The following TPP2 variants were observed in gnomAD, a reference collection of about 807,000 sequenced individuals.
TPP2 encodes the protein tripeptidyl peptidase 2.
In TPP2, 34 loss-of-function variants were observed where a neutral mutation model predicts 155.9. That is an observed-to-expected ratio of 0.22 (90% CI 0.17 to 0.29). The LOEUF is 0.29. Among genes scored for constraint, TPP2 ranks in the 10% least tolerant of loss-of-function variants. The pLI is 1.00. For missense variants in TPP2, 1,028 were observed against 1,522.3 expected, an observed-to-expected ratio of 0.68 and a Z score of 5.40; for synonymous variants, 510 against 529.4, an observed-to-expected ratio of 0.96 and a Z score of 0.50.
rs1246041563 is a variant in TPP2 at position 102,633,951 on chromosome 13, G to A, written c.1246G>A (p.Ala416Thr). The A allele has an allele frequency of 6.2e-7, 1 of 1,613,988 alleles. No homozygotes were observed. Among genetic ancestry groups the A allele is most frequent in the South Asian group, 1.1e-5 (1 of 91,084 alleles). The change falls in exon 11 of 30, where the codon GCT becomes ACT. Residue 416 changes from alanine (A) to threonine (T), a missense_variant and splice_region_variant. Around this residue, in one of 7 missense-constraint regions of TPP2, gnomAD observed 63 missense variants for 165.7 expected, o/e 0.38. Coordinates refer to ENST00000376052, the MANE Select transcript of TPP2 (RefSeq NM_001330588.2). ...QYTWSSRGPS[A>T]DGALGVSISA... ...AAACTTCAATGGCTTTCCATTTAGT[G>A]CTGACGGGGCCCTTGGTGTGAGTAT...
At chr13:102,659,527 C>G (rs1884070232) in intron 25 of TPP2, among the ~76,000 whole-genome samples, 1 of 152,126 alleles carries the variant, frequency 6.6e-6, no homozygotes, top group South Asian at 2.1e-4. Context: ...GACTTCTGAG[C>G]AGAAACAGTA....
At chr13:102,607,745 C>T (rs1879954124) in intron 2 of TPP2, 1 of 391,948 alleles carries the variant, frequency 2.6e-6, no homozygotes, top group East Asian at 8.7e-5. Context: ...CGCCATGACA[C>T]TTGGCTAATT....
Position 102,677,375 on chromosome 13 carries a change from C to CA in TPP2, c.3700-852_3700-851insA, listed in dbSNP as rs945253615. On this transcript the variant is annotated intron_variant, in intron 29 of 29. Transcript: ENST00000376052. ...AACTTGTCTGCCCTCCACTCTGCCCCCCCCGCTGCCTGTTCTCCACACAGC... is the reference window on the plus strand; with the variant it reads ...AACTTGTCTGCCCTCCACTCTGCCCCACCCCGCTGCCTGTTCTCCACACAGC... 5.3e-5 allele frequency among the ~76,000 whole-genome samples: 8 copies of CA among 152,216 alleles called. No individual in the cohort carries two copies. In the South Asian group the frequency reaches 6.2e-4, roughly 12 times the overall value.
At chr13:102,655,426 C>T (rs1157570040) in intron 24 of TPP2, among the ~76,000 whole-genome samples, 1 of 152,048 alleles carries the variant, frequency 6.6e-6, no homozygotes, top group Non-Finnish European at 1.5e-5. Flanking sequence ...TTTAATTTAG[C>T]ACCATTTTAA....
intron 10 of TPP2, 139 bp from the exon 11 acceptor site, chr13:102,633,811 G>A (rs1882186532): frequency 8.1e-7 from 1 of 1,228,092 alleles, no homozygotes; most frequent in African/African-American, 1.5e-5. Flanking sequence ...CTTCATAGTA[G>A]TATCTGTGTC....
intron 16 of TPP2, 126 bp from the exon 17 acceptor site, chr13:102,643,096 T>G (rs1014036084): frequency 8.8e-6 from 7 of 797,990 alleles, no homozygotes; most frequent in Non-Finnish European, 1.2e-5. Context: ...TGAGTGTACA[T>G]TTTATTTTTG....
chr13:102,628,430 C>T (rs539606777), intron 8 of TPP2, among the ~76,000 whole-genome samples: 2 of 152,166 alleles, frequency 1.3e-5, no homozygotes, highest in Non-Finnish European at 2.9e-5. Context: ...TTTTGCTATT[C>T]TCTTTAGTGA....
At chr13:102,667,784 C>T in intron 27 of TPP2, 1 of 985,444 alleles carries the variant, frequency 1.0e-6, no homozygotes, top group Admixed American at 6.1e-5. Flanking sequence ...TGCATCATTC[C>T]AGCCCTTCTC....
At chr13:102,625,656 A>G (rs564753743) in intron 6 of TPP2, among the ~76,000 whole-genome samples, 1 of 152,294 alleles carries the variant, frequency 6.6e-6, no homozygotes, top group East Asian at 1.9e-4. Flanking sequence ...TCCCAATTTT[A>G]TCTGGGGAAA....
chr13:102,655,771 C>T (rs918781760), intron 24 of TPP2, among the ~76,000 whole-genome samples: 3 of 152,108 alleles, frequency 2.0e-5, no homozygotes, highest in African/African-American at 4.8e-5. Flanking sequence ...AGGCTCTGTG[C>T]TGCCGGGTTT....
At chr13:102,602,041 G>C (rs1441316981) in intron 1 of TPP2, among the ~76,000 whole-genome samples, 1 of 152,096 alleles carries the variant, frequency 6.6e-6, no homozygotes, top group East Asian at 1.9e-4. Context: ...ACTTGTTAGT[G>C]CTCTCTTGTT....
At chr13:102,661,298 T>A (rs1452606104) in intron 25 of TPP2, among the ~76,000 whole-genome samples, 4 of 144,802 alleles carry the variant, frequency 2.8e-5, no homozygotes, top group African/African-American at 1.0e-4. Context: ...TCACCCAGGC[T>A]GGACTGCAGT....
Position 102,629,502 on chromosome 13 carries a change from A to C in TPP2, c.1037A>C (p.Asn346Thr). 1 of 1,503,044 alleles carries C rather than the reference A, an allele frequency of 6.7e-7. No homozygotes were observed. Among genetic ancestry groups the C allele is most frequent in the Non-Finnish European group, 8.8e-7 (1 of 1,134,704 alleles). 93.1% of individuals were successfully genotyped at this position (1,503,044 alleles called of 1,614,324 possible). Residue 346 changes from asparagine to threonine, a missense_variant, in exon 9 of 30, where the codon AAT (asparagine) becomes ACT (threonine). Coordinates refer to ENST00000376052, the MANE Select transcript of TPP2 (RefSeq NM_001330588.2). ...TTCAGGAGAATTTGTGAAGTAATTA[A>C]TGAAGCAGTATGGAAGCATAATATA... ...PNSGRICEVI[N>T]EAVWKHNIIY... is the part of the protein sequence containing the mutation.
chr13:102,630,798 G>A (rs138693516), intron 10 of TPP2, among the ~76,000 whole-genome samples: 109 of 152,224 alleles, frequency 7.2e-4, no homozygotes, highest in African/African-American at 2.5e-3. Flanking sequence ...TATCATCAGC[G>A]GGTACATGCA....
intron 2 of TPP2, among the ~76,000 whole-genome samples, chr13:102,606,273 T>G (rs1360440784): frequency 6.6e-6 from 1 of 152,236 alleles, no homozygotes; most frequent in African/African-American, 2.4e-5. Context: ...GTAAGCTTGT[T>G]GTGGCAGCAT....
At chr13:102,606,228 A>G (rs1273346352) in intron 2 of TPP2, among the ~76,000 whole-genome samples, 2 of 152,222 alleles carry the variant, frequency 1.3e-5, no homozygotes, top group Non-Finnish European at 2.9e-5. Context: ...ACCTTTTGCC[A>G]TCTATCTGAA....
intron 27 of TPP2, among the ~76,000 whole-genome samples, chr13:102,665,677 T>C (rs1055281815): frequency 6.6e-6 from 1 of 152,206 alleles, no homozygotes; most frequent in Non-Finnish European, 1.5e-5. Context: ...TTTATCACTT[T>C]TGTTTATTTT....
At chr13:102,622,427 G>C (rs919433247) in intron 5 of TPP2, among the ~76,000 whole-genome samples, 1 of 152,202 alleles carries the variant, frequency 6.6e-6, no homozygotes, top group Non-Finnish European at 1.5e-5. Context: ...ATAAATTTAA[G>C]TCTGTTATAA....
chr13:102,662,645 A>G (rs924454238), intron 25 of TPP2, among the ~76,000 whole-genome samples: 3 of 152,184 alleles, frequency 2.0e-5, no homozygotes, highest in African/African-American at 7.2e-5. Context: ...ATTAGTGTAA[A>G]TTTTGTTGTC....
Sources: allele counts gnomAD v4.1 joint callset (sites outside exome capture counted in the v4.1 genomes callset), GRCh38; gene constraint gnomAD v4.1.1; regional missense constraint gnomAD v4.1.1; transcripts MANE v1.5; gene names NCBI Gene and HGNC (gene_info 2026-07-23, HGNC 2026-07-21).